NPR3: variants seen among roughly 807,000 people sequenced by gnomAD.
NPR3 encodes atrial natriuretic peptide receptor 3.
In NPR3, 34 loss-of-function variants were observed where a neutral mutation model predicts 54.5. The observed-to-expected ratio is 0.62, with a 90% CI of 0.47 to 0.83. NPR3 has a LOEUF of 0.83. Among genes scored for constraint, NPR3 ranks in the 40% least tolerant of loss-of-function variants. NPR3 has a pLI of 0.00. For synonymous variants in NPR3, 289 were observed against 297.1 expected (o/e 0.97, Z 0.28); for missense variants, 674 against 720.8 (o/e 0.94, Z 0.74).
rs115458093 is a variant in NPR3 at position 32,764,219 on chromosome 5, C to G, written c.1060-10489C>G. Among the ~76,000 whole-genome samples the G allele has an allele frequency of 4.4e-3, 676 of 152,276 alleles. 4 individuals are homozygous for G. Among genetic ancestry groups the G allele is most frequent in the African/African-American group, 0.015 (642 of 41,542 alleles). Reference sequence around the variant, plus strand: ...ATGGACAGCAGAAGTTTATGAAAGACTTGGGTGCTCCTTTCTCTGTGGCTC... The same window carrying G: ...ATGGACAGCAGAAGTTTATGAAAGAGTTGGGTGCTCCTTTCTCTGTGGCTC... On this transcript the variant is annotated intron_variant, in intron 3 of 7. Transcript: ENST00000265074.
chr5:32,776,510 G>T (rs1742055920), intron 4 of NPR3, among the ~76,000 whole-genome samples: 1 of 152,166 alleles, frequency 6.6e-6, no homozygotes, highest in Admixed American at 6.5e-5. Flanking sequence ...CTTCCAGAAA[G>T]TTCTGCTAAT....
chr5:32,701,632 CTTCTT>C (rs1245122406), intron 1 of NPR3, among the ~76,000 whole-genome samples: 1 of 152,162 alleles, frequency 6.6e-6, no homozygotes, highest in African/African-American at 2.4e-5. Flanking sequence ...GCAGTCTGGG[CTTCTT>C]TACACACATC....
intron 3 of NPR3, among the ~76,000 whole-genome samples, chr5:32,773,737 C>T (rs1285020220): frequency 1.3e-5 from 2 of 152,202 alleles, no homozygotes; most frequent in Non-Finnish European, 2.9e-5. Context: ...GAACACAGCA[C>T]AGACTCCAAC....
chr5:32,763,648 A>G (rs1741292725), intron 3 of NPR3, among the ~76,000 whole-genome samples: 1 of 151,884 alleles, frequency 6.6e-6, no homozygotes, highest in Non-Finnish European at 1.5e-5. Flanking sequence ...CTCTAAACAT[A>G]TTTATAATAG....
intron 3 of NPR3, among the ~76,000 whole-genome samples, chr5:32,762,056 T>C (rs1477407213): frequency 2.6e-5 from 4 of 152,186 alleles, no homozygotes; most frequent in Non-Finnish European, 4.4e-5. Flanking sequence ...GGTTTTCTGT[T>C]CCTGTGTTAG....
intron 2 of NPR3, among the ~76,000 whole-genome samples, chr5:32,734,693 T>C (rs1739636877): frequency 6.6e-6 from 1 of 152,254 alleles, no homozygotes; most frequent in Non-Finnish European, 1.5e-5. Flanking sequence ...CAATGATGGC[T>C]ATGTTCTAGT....
At position 32,789,488 on chromosome 5, in the gene NPR3, T is replaced by A; in HGVS notation, c.*3143T>A. The stretch of plus-strand genomic sequence containing the variant: ...ACCACAGGAATGGTTCTACAGACCC[T>A]ACTATAATTCTTCACATTTCAGAAC... On this transcript the variant is annotated 3_prime_UTR_variant, in exon 8 of 8. Transcript: ENST00000265074. 3 of 534,762 alleles carry A rather than the reference T, an allele frequency of 5.6e-6. No homozygotes were observed. Among genetic ancestry groups the A allele is most frequent in the Non-Finnish European group, 1.2e-5 (3 of 260,096 alleles). 33.1% of individuals were successfully genotyped at this position (534,762 alleles called of 1,614,324 possible). A position where few individuals can be genotyped will look rare whatever the true frequency, so the allele number is the denominator to read the frequency against.
intron 3 of NPR3, among the ~76,000 whole-genome samples, chr5:32,769,133 G>T (rs1741621769): frequency 6.6e-6 from 1 of 152,202 alleles, no homozygotes; most frequent in Non-Finnish European, 1.5e-5. Context: ...CCCTCTGTTT[G>T]GTGCTGAGGA....
In NPR3 at chr5:32,726,189, G is replaced by C. The variant is rs1027930463; in HGVS notation, c.892+1369G>C. ...GCTTCACTTCCCAGTTCTTGCTGAT[G>C]AGATATAGTTGGACAGGATCTAAAC... On this transcript the variant is annotated intron_variant, in intron 2 of 7. Coordinates refer to ENST00000265074, the MANE Select transcript of NPR3 (RefSeq NM_001204375.2). Among the ~76,000 whole-genome samples, 4 of 152,284 alleles carry C rather than the reference G, an allele frequency of 2.6e-5. No homozygotes were observed. The South Asian group carries it at 8.3e-4, about 32-fold the overall frequency.
At position 32,744,635 on chromosome 5, in the gene NPR3, C is replaced by T. The variant is rs149848600; in HGVS notation, c.1059+5605C>T. 4.5e-3 allele frequency among the ~76,000 whole-genome samples: 687 copies of T among 152,280 alleles called. 6 individuals are homozygous for T. Among genetic ancestry groups the T allele is most frequent in the African/African-American group, 0.016 (663 of 41,532 alleles). ...CGGATGGTAGCTATCATTTCTCTTA[C>T]TTTTGTTTCTTGTATTCCAGGCTGA... On this transcript the variant is annotated intron_variant, in intron 3 of 7. Coordinates refer to ENST00000265074, the MANE Select transcript of NPR3 (RefSeq NM_001204375.2).
intron 2 of NPR3, among the ~76,000 whole-genome samples, chr5:32,734,454 C>T (rs1739623463): frequency 6.6e-6 from 1 of 152,192 alleles, no homozygotes; most frequent in Non-Finnish European, 1.5e-5. Context: ...AGCTCTTCAC[C>T]ACAGGATCGC....
intron 1 of NPR3, among the ~76,000 whole-genome samples, chr5:32,720,829 G>T (rs1260618053): frequency 6.6e-6 from 1 of 152,094 alleles, no homozygotes; most frequent in Non-Finnish European, 1.5e-5. Context: ...TAGTTCTCCT[G>T]AATATGCTGC....
At chr5:32,699,461 C>T (rs1006455129) in intron 1 of NPR3, among the ~76,000 whole-genome samples, 2 of 152,148 alleles carry the variant, frequency 1.3e-5, no homozygotes, top group African/African-American at 4.8e-5. Flanking sequence ...TCCCTCCACT[C>T]ATCCCCTAAC....
intron 1 of NPR3, among the ~76,000 whole-genome samples, chr5:32,722,250 A>G (rs1738905096): frequency 6.6e-6 from 1 of 152,182 alleles, no homozygotes; most frequent in East Asian, 1.9e-4. Flanking sequence ...TGGACCAGAT[A>G]TATCTCTTAG....
At chr5:32,708,246 G>C (rs144537822), upstream of NPR3, among the ~76,000 whole-genome samples, 1 of 151,852 alleles carries the variant, frequency 6.6e-6, no homozygotes, top group African/African-American at 2.4e-5. Flanking sequence ...TCTTTTGAAT[G>C]TTAAAAAAAT....
At chr5:32,719,785 G>GTTTTTT (rs201377152) in intron 1 of NPR3, among the ~76,000 whole-genome samples, 1 of 91,148 alleles carries the variant, frequency 1.1e-5, no homozygotes, top group Non-Finnish European at 2.7e-5. Flanking sequence ...CTATGTTGTT[G>GTTTTTT]TTGTTTTTTT....
At chr5:32,719,559 G>A (rs1275590669) in intron 1 of NPR3, among the ~76,000 whole-genome samples, 1 of 152,064 alleles carries the variant, frequency 6.6e-6, no homozygotes, top group Non-Finnish European at 1.5e-5. Flanking sequence ...TTGCTTTCCT[G>A]GAAATTTTTA....
At chr5:32,707,943 A>ATAGAAAACTTGCCACC (rs1738040082), upstream of NPR3, among the ~76,000 whole-genome samples, 1 of 151,142 alleles carries the variant, frequency 6.6e-6, no homozygotes, top group South Asian at 2.1e-4. Flanking sequence ...TGAATACTTT[A>ATAGAAAACTTGCCACC]TAGAAAACTT....
At position 32,789,544 on chromosome 5, in the gene NPR3, A is replaced by C. The variant is rs375733344; in HGVS notation, c.*3199A>C. On this transcript the variant is annotated 3_prime_UTR_variant, in exon 8 of 8. Coordinates refer to ENST00000265074, the MANE Select transcript of NPR3 (RefSeq NM_001204375.2). Reference sequence around the variant, plus strand: ...TTTAATGGAGGGAAGAGAGAAATGCATGGGAAAAGAACACCTCCTTTTCTC... The same window carrying C: ...TTTAATGGAGGGAAGAGAGAAATGCCTGGGAAAAGAACACCTCCTTTTCTC... The C allele has an allele frequency of 1.9e-6, 1 of 534,728 alleles. No individual in the cohort carries two copies. Among genetic ancestry groups the C allele is most frequent in the East Asian group, 5.5e-5 (1 of 18,344 alleles). The allele number at this position is 534,728 out of a possible 1,614,324, so 33.1% of individuals were successfully genotyped here. A position where few individuals can be genotyped will look rare whatever the true frequency, so the allele number is the denominator to read the frequency against.
Sources: gnomAD v4.1 joint callset for allele counts (sites outside exome capture counted in the v4.1 genomes callset) on GRCh38, gnomAD v4.1.1 for gene constraint, MANE v1.5 for transcripts, NCBI Gene and HGNC (gene_info 2026-07-23, HGNC 2026-07-21) for gene names.